NAV3: variants seen among roughly 807,000 people sequenced by gnomAD.
NAV3 encodes neuron navigator 3.
Under a neutral mutation model 244.7 loss-of-function variants are expected in NAV3, and 87 were observed. The observed-to-expected ratio is 0.36, with a 90% CI of 0.30 to 0.42. NAV3 has a LOEUF of 0.42. Among genes scored for constraint, NAV3 ranks in the 20% least tolerant of loss-of-function variants. The pLI, the probability that NAV3 is intolerant of heterozygous loss-of-function variation, is 1.00. For missense variants in NAV3, 2,663 were observed against 2,893.3 expected (o/e 0.92, Z 1.83); for synonymous variants, 1,126 against 1,042.2 (o/e 1.08, Z -1.55).
At chr12:77,637,843 A>C (rs1479551398) in intron 2 of NAV3, among the ~76,000 whole-genome samples, 1 of 152,218 alleles carries the variant, frequency 6.6e-6, no homozygotes, top group Non-Finnish European at 1.5e-5. Context: ...CATAATTCCA[A>C]AGAAGGTAAT....
At chr12:78,046,113 T>C (rs1017975382) in intron 9 of NAV3, among the ~76,000 whole-genome samples, 2 of 152,244 alleles carry the variant, frequency 1.3e-5, no homozygotes, top group Non-Finnish European at 2.9e-5. Context: ...TCTATTTGAT[T>C]CTTCTCTATT....
chr12:77,798,123 C>G (rs1241466455), intron 2 of NAV3, among the ~76,000 whole-genome samples: 1 of 151,920 alleles, frequency 6.6e-6, no homozygotes, highest in East Asian at 1.9e-4. Context: ...GATTATGCCA[C>G]TGCACTCCCT....
chr12:77,829,452 G>A (rs1873364424), upstream of NAV3, among the ~76,000 whole-genome samples: 1 of 152,136 alleles, frequency 6.6e-6, no homozygotes, highest in African/African-American at 2.4e-5. Context: ...TTTAGGTGCT[G>A]TTTTGTTTTG....
intron 9 of NAV3, among the ~76,000 whole-genome samples, chr12:78,024,084 AC>A (rs1240178220): frequency 6.6e-6 from 1 of 152,132 alleles, no homozygotes; most frequent in East Asian, 1.9e-4. Context: ...CAATGATTCC[AC>A]TAGGATTTCC....
chr12:78,031,896 T>C (rs1044139726), intron 9 of NAV3, among the ~76,000 whole-genome samples: 1 of 150,932 alleles, frequency 6.6e-6, no homozygotes, highest in Non-Finnish European at 1.5e-5. Flanking sequence ...AAAAAAATAA[T>C]AATAATAAAA....
At position 77,737,878 on chromosome 12, in the gene NAV3, A is replaced by G. The variant is rs115331512; in HGVS notation, c.72+165612A>G. 3.0e-3 allele frequency among the ~76,000 whole-genome samples: 458 copies of G among 152,214 alleles called. 2 individuals are homozygous for G. The highest frequency in any genetic ancestry group is 0.01 in the African/African-American group (425 of 41,534). On this transcript the variant is annotated intron_variant, in intron 2 of 8. Coordinates refer to the NAV3 transcript ENST00000550042. Reference sequence around the variant, plus strand: ...GATCATATCCTGGAGTGGTTCAAACATGCTTTTTTTGTGTTTCTTTAGTTT... The same window carrying G: ...GATCATATCCTGGAGTGGTTCAAACGTGCTTTTTTTGTGTTTCTTTAGTTT...
intron 12 of NAV3, among the ~76,000 whole-genome samples, chr12:78,082,270 A>G (rs1468873065): frequency 6.6e-6 from 1 of 152,180 alleles, no homozygotes; most frequent in Non-Finnish European, 1.5e-5. Flanking sequence ...TGTCTTTATG[A>G]GCAGCATGAG....
At chr12:77,783,582 G>A (rs1870771771) in intron 2 of NAV3, 1 of 152,252 alleles carries the variant, frequency 6.6e-6, no homozygotes, top group Non-Finnish European at 1.5e-5. Context: ...GAGAATTAAA[G>A]TAAGGGGCCA....
At chr12:78,169,410 A>G (rs1957911377) in intron 24 of NAV3, among the ~76,000 whole-genome samples, 1 of 151,464 alleles carries the variant, frequency 6.6e-6, no homozygotes, top group South Asian at 2.1e-4. Flanking sequence ...CCTATGCTTA[A>G]GCAATTCTAA....
rs766399842 is a variant in NAV3, at chr12:78,007,083, T to C, written c.1545T>C (p.Ala515=). 1.9e-6 allele frequency: 3 copies of C among 1,614,050 alleles called. No homozygotes were observed. The highest frequency in any genetic ancestry group is 1.7e-6 in the Non-Finnish European group (2 of 1,180,038). Reference sequence around the variant, plus strand: ...CTAAGGGCAGCAAGACAACAGCAGCTAAGAAGGAAAGCTTAATTCCGTCTT... The same window carrying C: ...CTAAGGGCAGCAAGACAACAGCAGCCAAGAAGGAAAGCTTAATTCCGTCTT... The part of the protein sequence containing the change: ...LIPKGSKTTA[A]KKESLIPSSS... Residue 515 remains alanine (A), a synonymous_variant, in exon 8 of 40, where the codon GCT becomes GCC. Transcript: ENST00000397909.
At chr12:77,703,086 C>T (rs1410158123) in intron 2 of NAV3, among the ~76,000 whole-genome samples, 1 of 151,898 alleles carries the variant, frequency 6.6e-6, no homozygotes, top group Non-Finnish European at 1.5e-5. Context: ...TTTATCATGT[C>T]GTTTGATAAG....
intron 1 of NAV3, among the ~76,000 whole-genome samples, chr12:77,928,504 C>G (rs1004371433): frequency 1.3e-5 from 2 of 152,060 alleles, no homozygotes; most frequent in Non-Finnish European, 2.9e-5. Context: ...CCCTCCCTTC[C>G]TCATTAACGA....
chr12:78,043,762 C>T (rs191429834), intron 9 of NAV3, among the ~76,000 whole-genome samples: 1 of 152,188 alleles, frequency 6.6e-6, no homozygotes, highest in African/African-American at 2.4e-5. Flanking sequence ...ATATACTTCA[C>T]CCACTTTTTG....
intron 28 of NAV3, 119 bp from the exon 29 acceptor site, chr12:78,179,410 G>A: frequency 8.4e-7 from 1 of 1,184,462 alleles, no homozygotes; most frequent in East Asian, 2.6e-5. Flanking sequence ...GGTTTTGCCA[G>A]CAGCACACCA....
chr12:78,128,759 G>A lies in NAV3; in HGVS notation c.4334G>A (p.Arg1445His), dbSNP rs768831417. Reference sequence around the variant, plus strand: ...CAAGAAGAGGGCAAAGAGTGGTTGCGTTCTCATTCTACTGGAGGGCTTCAG... The same window carrying A: ...CAAGAAGAGGGCAAAGAGTGGTTGCATTCTCATTCTACTGGAGGGCTTCAG... ...ANQEEGKEWL[R>H]SHSTGGLQDT... The change falls in exon 18 of 40, where the codon CGT (arginine) becomes CAT (histidine). Residue 1445 changes from arginine to histidine, a missense_variant. Coordinates refer to ENST00000397909, the MANE Select transcript of NAV3 (RefSeq NM_001024383.2). 3 of 1,613,886 alleles carry A rather than the reference G, an allele frequency of 1.9e-6. No homozygotes were observed. The highest frequency in any genetic ancestry group is 1.3e-5 in the African/African-American group (1 of 74,880).
At chr12:77,923,809 AG>A (rs1261645839) in intron 1 of NAV3, among the ~76,000 whole-genome samples, 7 of 152,128 alleles carry the variant, frequency 4.6e-5, no homozygotes, top group African/African-American at 1.7e-4. Flanking sequence ...TTCAAAAGGA[AG>A]AGAGGAGTTA....
rs140959934 is a variant in NAV3 at position 77,759,689 on chromosome 12, G to C, written c.73-180630G>C. On this transcript the variant is annotated intron_variant, in intron 2 of 8. Transcript: ENST00000550042. ...AACAAATATTGACCACCATGGTGTGGGTAGTCAGCACTCTACTAACAAATG... is the reference window on the plus strand; with the variant it reads ...AACAAATATTGACCACCATGGTGTGCGTAGTCAGCACTCTACTAACAAATG... Among the ~76,000 whole-genome samples the C allele has an allele frequency of 2.6e-5, 4 of 152,240 alleles. No individual in the cohort carries two copies. In the East Asian group the frequency reaches 7.7e-4, roughly 29 times the overall value.
chr12:77,795,537 T>A (rs763437207), intron 2 of NAV3, among the ~76,000 whole-genome samples: 2 of 152,128 alleles, frequency 1.3e-5, no homozygotes, highest in Non-Finnish European at 2.9e-5. Flanking sequence ...TTACTGTACA[T>A]TATTATGTAC....
intron 2 of NAV3, among the ~76,000 whole-genome samples, chr12:77,723,456 A>G (rs1446814002): frequency 6.6e-6 from 1 of 152,096 alleles, no homozygotes; most frequent in Non-Finnish European, 1.5e-5. Context: ...CTGAGCAGAT[A>G]CTAGTCAAGC....
Sources: allele counts gnomAD v4.1 joint callset (sites outside exome capture counted in the v4.1 genomes callset), GRCh38; gene constraint gnomAD v4.1.1; transcripts MANE v1.5; gene names NCBI Gene and HGNC (gene_info 2026-07-23, HGNC 2026-07-21).